Variants in PCDH9 observed in about 807,000 individuals in gnomAD.
PCDH9 encodes the protein protocadherin-9.
PCDH9 carries 24 observed loss-of-function variants against 70.6 expected under a neutral mutation model. The ratio of observed to expected loss-of-function variants is 0.34; its 90% confidence interval spans 0.25 to 0.48. The LOEUF (loss-of-function observed/expected upper bound fraction) is 0.48, where lower values mean the gene tolerates loss of function less well. PCDH9 is among the 20% of genes least tolerant of loss of function. The pLI is 0.99. For synonymous variants in PCDH9, 562 were observed against 558.5 expected (o/e 1.01, Z -0.09); for missense variants, 1,281 against 1,503.6 (o/e 0.85, Z 2.45).
intron 2 of PCDH9, among the ~76,000 whole-genome samples, chr13:66,955,084 C>A (rs1456781410): frequency 1.3e-5 from 2 of 152,176 alleles, no homozygotes; most frequent in African/African-American, 4.8e-5. Context: ...CAACTCTGAT[C>A]ACCACCTACC....
intron 3 of PCDH9, among the ~76,000 whole-genome samples, chr13:66,771,908 C>T (rs1318086829): frequency 6.6e-6 from 1 of 152,110 alleles, no homozygotes; most frequent in Non-Finnish European, 1.5e-5. Flanking sequence ...TTTAGAAAAG[C>T]AAAGACATCT....
chr13:67,068,680 C>A (rs1258925871), intron 2 of PCDH9, among the ~76,000 whole-genome samples: 1 of 152,142 alleles, frequency 6.6e-6, no homozygotes, highest in Non-Finnish European at 1.5e-5. Context: ...CTGTTGCTTG[C>A]AGTTTAGAAC....
chr13:66,656,886 G>T (rs1158510961), intron 3 of PCDH9, among the ~76,000 whole-genome samples: 4 of 152,120 alleles, frequency 2.6e-5, no homozygotes, highest in Non-Finnish European at 5.9e-5. Flanking sequence ...CAAGACGCTT[G>T]CTATTTCTTT....
intron 2 of PCDH9, among the ~76,000 whole-genome samples, chr13:66,941,670 A>G (rs1304614678): frequency 6.6e-6 from 1 of 151,968 alleles, no homozygotes; most frequent in Non-Finnish European, 1.5e-5. Flanking sequence ...AGACCATTTC[A>G]TAATGATGTT....
chr13:66,590,234 C>G (rs998256551), intron 4 of PCDH9, among the ~76,000 whole-genome samples: 1 of 151,836 alleles, frequency 6.6e-6, no homozygotes, highest in Non-Finnish European at 1.5e-5. Flanking sequence ...TTTAAACTAA[C>G]GAATCAACCA....
chr13:67,003,902 C>T (rs73211162), intron 2 of PCDH9, among the ~76,000 whole-genome samples: 174 of 152,242 alleles, frequency 1.1e-3, no homozygotes, highest in Non-Finnish European at 2.1e-3. Context: ...AGTTCTGTAT[C>T]CTGCTAGTCT....
In PCDH9 at chr13:66,807,364, T is replaced by G. The variant is rs1036109589; in HGVS notation, c.3138+96140A>C. On this transcript the variant is annotated intron_variant, in intron 3 of 4. Coordinates refer to ENST00000377865, the MANE Select transcript of PCDH9 (RefSeq NM_203487.3). Reference sequence around the variant, plus strand: ...TTTGTGCAACACTATTATACTATTTTTCAAATTCTTCAAACTGAAAAATTT... The same window carrying G: ...TTTGTGCAACACTATTATACTATTTGTCAAATTCTTCAAACTGAAAAATTT... Among the ~76,000 whole-genome samples, 3 of 152,284 alleles carry G rather than the reference T, an allele frequency of 2.0e-5. No homozygotes were observed. In the South Asian group the frequency reaches 6.2e-4, roughly 32 times the overall value.
At chr13:66,479,855 C>T (rs1007720247) in intron 4 of PCDH9, among the ~76,000 whole-genome samples, 2 of 152,192 alleles carry the variant, frequency 1.3e-5, no homozygotes, top group South Asian at 2.1e-4. Flanking sequence ...GTAAAATAGA[C>T]CAATCAGCAG....
chr13:67,105,648 G>GT (rs1391898582), intron 2 of PCDH9, among the ~76,000 whole-genome samples: 5 of 151,870 alleles, frequency 3.3e-5, no homozygotes, highest in African/African-American at 9.7e-5. Flanking sequence ...ACTTTTGTGT[G>GT]TTTTTTGTTT....
intron 4 of PCDH9, among the ~76,000 whole-genome samples, chr13:66,328,577 C>A (rs1167993289): frequency 2.0e-5 from 3 of 152,170 alleles, no homozygotes; most frequent in African/African-American, 7.2e-5. Flanking sequence ...AGCACTCAAG[C>A]AACCTTTGTG....
chr13:66,828,612 G>A (rs1369342318), intron 3 of PCDH9, among the ~76,000 whole-genome samples: 3 of 151,998 alleles, frequency 2.0e-5, no homozygotes, highest in African/African-American at 7.2e-5. Flanking sequence ...TAGAACAGCA[G>A]AACAAAGCTA....
At chr13:67,063,184 TA>T (rs1433446867) in intron 2 of PCDH9, among the ~76,000 whole-genome samples, 3 of 152,084 alleles carry the variant, frequency 2.0e-5, no homozygotes, top group Non-Finnish European at 4.4e-5. Flanking sequence ...GTACTACCCG[TA>T]ACATTGCTGG....
At chr13:66,631,105 A>G in intron 4 of PCDH9, 105 bp downstream of exon 4, 2 of 668,800 alleles carry the variant, frequency 3.0e-6, no homozygotes, top group South Asian at 1.8e-5. Context: ...CCAGCAAAAA[A>G]ATAACTAAAT....
intron 3 of PCDH9, among the ~76,000 whole-genome samples, chr13:66,737,977 A>C (rs1421489295): frequency 6.6e-6 from 1 of 152,192 alleles, no homozygotes; most frequent in Non-Finnish European, 1.5e-5. Flanking sequence ...GGAAGCTCGA[A>C]CTGGGTGGAG....
chr13:66,930,043 T>A (rs997382726), intron 2 of PCDH9, among the ~76,000 whole-genome samples: 2 of 152,182 alleles, frequency 1.3e-5, no homozygotes, highest in African/African-American at 4.8e-5. Flanking sequence ...GAAACCAGTA[T>A]TCATCTCATA....
At chr13:66,962,046 T>A (rs1417728481) in intron 2 of PCDH9, among the ~76,000 whole-genome samples, 15 of 140,034 alleles carry the variant, frequency 1.1e-4, no homozygotes, top group Non-Finnish European at 1.8e-4. Context: ...CGAGACCCCA[T>A]CAAGAAAAAC....
At chr13:67,149,209 G>A (rs769663134) in intron 2 of PCDH9, among the ~76,000 whole-genome samples, 26 of 152,156 alleles carry the variant, frequency 1.7e-4, no homozygotes, top group Non-Finnish European at 5.9e-5. Flanking sequence ...GCTAGAATTT[G>A]TGAGTCTTGA....
At chr13:66,394,027 G>GAA (rs1483332782) in intron 4 of PCDH9, among the ~76,000 whole-genome samples, 7 of 152,190 alleles carry the variant, frequency 4.6e-5, no homozygotes, top group Non-Finnish European at 1.0e-4. Flanking sequence ...AGCTGAGGAG[G>GAA]AAAATACTAT....
At chr13:66,724,992 T>C (rs1050701118) in intron 3 of PCDH9, among the ~76,000 whole-genome samples, 19 of 152,172 alleles carry the variant, frequency 1.2e-4, no homozygotes, top group Non-Finnish European at 7.3e-5. Flanking sequence ...CCCAATATCA[T>C]ATCTCTAGCC....
Sources: allele counts gnomAD v4.1 joint callset (sites outside exome capture counted in the v4.1 genomes callset), GRCh38; gene constraint gnomAD v4.1.1; transcripts MANE v1.5; gene names NCBI Gene and HGNC (gene_info 2026-07-23, HGNC 2026-07-21).